The following TMEM38B variants were observed in gnomAD, a reference collection of about 807,000 sequenced individuals.
TMEM38B encodes transmembrane protein 38B.
Under a neutral mutation model 28.7 loss-of-function variants are expected in TMEM38B, and 24 were observed. The ratio of observed to expected loss-of-function variants is 0.84; its 90% CI spans 0.61 to 1.18. The LOEUF (loss-of-function observed/expected upper bound fraction) is 1.18. TMEM38B is among the 50% of genes most tolerant of loss of function. The pLI is 0.00. For synonymous variants in TMEM38B, 131 were observed against 127.7 expected (o/e 1.03, Z -0.17); for missense variants, 380 against 350.9 (o/e 1.08, Z -0.66).
intron 4 of TMEM38B, among the ~76,000 whole-genome samples, chr9:105,733,418 T>C: frequency 7.2e-6 from 1 of 139,690 alleles, no homozygotes; most frequent in East Asian, 2.4e-4. Context: ...AGTTTTCTTT[T>C]TTCTTTTTTT....
chr9:105,698,930 T>C (rs1441123503), intron 1 of TMEM38B, among the ~76,000 whole-genome samples: 1 of 152,186 alleles, frequency 6.6e-6, no homozygotes, highest in Non-Finnish European at 1.5e-5. Context: ...TCAGGAATCA[T>C]CTATTTCTTT....
intron 1 of TMEM38B, among the ~76,000 whole-genome samples, chr9:105,700,289 A>G (rs540001500): frequency 4.6e-5 from 7 of 152,318 alleles, no homozygotes; most frequent in Non-Finnish European, 5.9e-5. Flanking sequence ...TGATAGTGTC[A>G]CATAAGGTTG....
rs1826711651 is a variant in TMEM38B at position 105,776,091 on chromosome 9, T to TAA, written c.*2012_*2013insAA. The TAA allele has an allele frequency of 2.6e-5, 4 of 152,274 alleles. No individual in the cohort carries two copies. The South Asian group carries it at 8.3e-4, about 32-fold the overall frequency. The allele number at this position is 152,274 out of a possible 1,614,324, so 9.4% of individuals were successfully genotyped here. On this transcript the variant is annotated 3_prime_UTR_variant, in exon 6 of 6. Transcript: ENST00000374692. ...GACTTGGATTTGCAAAGCAGATTGT[T>TAA]AGACTCCTTACCCAATGTGAAGTGT...
chr9:105,747,676 C>T (rs1442306529), intron 4 of TMEM38B, among the ~76,000 whole-genome samples: 1 of 152,074 alleles, frequency 6.6e-6, no homozygotes, highest in African/African-American at 2.4e-5. Context: ...GTTAGGGTGT[C>T]AATTTTAGAT....
At chr9:105,733,134 G>A (rs1382574430) in intron 4 of TMEM38B, among the ~76,000 whole-genome samples, 1 of 152,152 alleles carries the variant, frequency 6.6e-6, no homozygotes, top group Non-Finnish European at 1.5e-5. Context: ...TGTATTTGCT[G>A]AGAAGTGTTT....
At chr9:105,707,985 G>A (rs1835742240) in intron 2 of TMEM38B, among the ~76,000 whole-genome samples, 3 of 152,080 alleles carry the variant, frequency 2.0e-5, no homozygotes. Flanking sequence ...TATACAAAAA[G>A]GAAGATATCC....
At chr9:105,740,703 A>G (rs1020614931) in intron 4 of TMEM38B, among the ~76,000 whole-genome samples, 1 of 152,222 alleles carries the variant, frequency 6.6e-6, no homozygotes, top group Admixed American at 6.5e-5. Context: ...CCCCACAAGT[A>G]ACTCTTTTAG....
chr9:105,724,684 A>C (rs934047980), intron 4 of TMEM38B, among the ~76,000 whole-genome samples: 3 of 152,140 alleles, frequency 2.0e-5, no homozygotes, highest in African/African-American at 7.2e-5. Context: ...ATTTGTGTGA[A>C]CTAACAAATT....
In TMEM38B at chr9:105,765,104, C is replaced by T. The variant is rs538278015; in HGVS notation, c.661-8761C>T. On this transcript the variant is annotated intron_variant, in intron 5 of 5. Coordinates refer to ENST00000374692, the MANE Select transcript of TMEM38B (RefSeq NM_018112.3). ...ATTCAAGATGGATTAAAGAAACTGGCTATAAAATTATTGGACCAAATTGAA... is the reference window on the plus strand; with the variant it reads ...ATTCAAGATGGATTAAAGAAACTGGTTATAAAATTATTGGACCAAATTGAA... Among the ~76,000 whole-genome samples the T allele has an allele frequency of 3.9e-4, 60 of 152,248 alleles. 1 individual carries two copies. In the South Asian group the frequency reaches 0.011, roughly 28 times the overall value.
Position 105,742,694 on chromosome 9 carries a change from A to G in TMEM38B, c.543-5379A>G, listed in dbSNP as rs181472537. On this transcript the variant is annotated intron_variant, in intron 4 of 5. Coordinates refer to ENST00000374692, the MANE Select transcript of TMEM38B (RefSeq NM_018112.3). Reference sequence around the variant, plus strand: ...TCCTTGTTCCTTAGACTCAACCCTTAAGAGAATACAATCCAAAATGGTAGA... The same window carrying G: ...TCCTTGTTCCTTAGACTCAACCCTTGAGAGAATACAATCCAAAATGGTAGA... Among the ~76,000 whole-genome samples the G allele has an allele frequency of 1.1e-4, 17 of 152,328 alleles. 1 individual carries two copies. In the East Asian group the frequency reaches 3.3e-3, roughly 29 times the overall value.
chr9:105,756,443 G>A (rs760133077), intron 5 of TMEM38B, among the ~76,000 whole-genome samples: 9 of 152,140 alleles, frequency 5.9e-5, no homozygotes, highest in Non-Finnish European at 1.2e-4. Context: ...AGAGTAGGAA[G>A]TTTTCTTCTA....
In TMEM38B at chr9:105,722,635, A is replaced by C; in HGVS notation, c.542+14A>C. On this transcript the variant is annotated intron_variant, in intron 4 of 5. Transcript: ENST00000374692. ...GAAGATGTCATAGTAAGTTGGTATA[A>C]ATTATACTGAGACCTAGATGTTTAT... The C allele has an allele frequency of 6.3e-7, 1 of 1,598,662 alleles. No homozygotes were observed. Among genetic ancestry groups the C allele is most frequent in the Non-Finnish European group, 8.6e-7 (1 of 1,166,260 alleles).
intron 1 of TMEM38B, among the ~76,000 whole-genome samples, chr9:105,700,160 A>G (rs1480123064): frequency 6.6e-6 from 1 of 152,234 alleles, no homozygotes; most frequent in East Asian, 1.9e-4. Flanking sequence ...ATACATAATT[A>G]ATTTTAGCAA....
At chr9:105,767,163 A>G (rs908928656) in intron 5 of TMEM38B, among the ~76,000 whole-genome samples, 47 of 150,760 alleles carry the variant, frequency 3.1e-4, no homozygotes, top group African/African-American at 9.0e-4. Context: ...TTTCCTCCAT[A>G]TGAGTAGGAA....
At chr9:105,744,240 A>G (rs559346388) in intron 4 of TMEM38B, among the ~76,000 whole-genome samples, 140 of 152,178 alleles carry the variant, frequency 9.2e-4, no homozygotes, top group African/African-American at 3.2e-3. Flanking sequence ...GCTGTGAACA[A>G]TTTACAAAAG....
chr9:105,726,259 A>G (rs1836508721), intron 4 of TMEM38B, among the ~76,000 whole-genome samples: 1 of 152,186 alleles, frequency 6.6e-6, no homozygotes, highest in South Asian at 2.1e-4. Context: ...TTTACTTGAT[A>G]AACTTTAAAT....
chr9:105,731,338 G>A (rs552857110), intron 4 of TMEM38B, among the ~76,000 whole-genome samples: 12 of 151,358 alleles, frequency 7.9e-5, no homozygotes, highest in Non-Finnish European at 1.6e-4. Context: ...TAAGTTCTAG[G>A]GTACATGCGC....
chr9:105,751,931 C>A (rs555259062), intron 5 of TMEM38B, among the ~76,000 whole-genome samples: 1 of 152,098 alleles, frequency 6.6e-6, no homozygotes, highest in Admixed American at 6.5e-5. Context: ...TCTATTGGGA[C>A]GTAGCTCTCA....
chr9:105,740,774 T>A (rs1309430382), intron 4 of TMEM38B, among the ~76,000 whole-genome samples: 1 of 152,198 alleles, frequency 6.6e-6, no homozygotes, highest in East Asian at 1.9e-4. Flanking sequence ...ATACGTATTG[T>A]GGAAAATTTG....
Sources: gnomAD v4.1 joint callset for allele counts (sites outside exome capture counted in the v4.1 genomes callset) on GRCh38, gnomAD v4.1.1 for gene constraint, MANE v1.5 for transcripts, NCBI Gene and HGNC (gene_info 2026-07-23, HGNC 2026-07-21) for gene names.